ANXA3: variants seen among roughly 807,000 people sequenced by gnomAD.
The protein encoded by ANXA3 is annexin A3.
A neutral mutation model predicts 48.8 loss-of-function variants in ANXA3; 46 were observed. The ratio of observed to expected loss-of-function variants is 0.94; its 90% CI spans 0.74 to 1.21. The LOEUF is 1.21. ANXA3 is among the 50% of genes most tolerant of loss of function. The pLI is 0.00. For synonymous variants in ANXA3, 128 were observed against 134.7 expected, an observed-to-expected ratio of 0.95 and a Z score of 0.35; for missense variants, 383 against 378.6, an observed-to-expected ratio of 1.01 and a Z score of -0.10.
In ANXA3 at chr4:78,579,021, A is replaced by G; in HGVS notation, c.104-6A>G. 6.3e-7 allele frequency: 1 copy of G among 1,598,504 alleles called. No individual in the cohort carries two copies. Among genetic ancestry groups the G allele is most frequent in the African/African-American group, 1.3e-5 (1 of 74,756 alleles). On this transcript the variant is annotated splice_region_variant and splice_polypyrimidine_tract_variant and intron_variant, in intron 3 of 12. Transcript: ENST00000264908. ...TATTGAGTAAAATAACTTTTGTTTC[A>G]TTTAGGAACTGATGAGAAAATGCTC...
At chr4:78,608,128 G>T (rs1455179192) in intron 12 of ANXA3, among the ~76,000 whole-genome samples, 1 of 152,076 alleles carries the variant, frequency 6.6e-6, no homozygotes, top group African/African-American at 2.4e-5. Flanking sequence ...ATAAGCAAAG[G>T]GGGTAGGGTG....
chr4:78,607,208 G>A (rs1445529409), intron 12 of ANXA3, among the ~76,000 whole-genome samples: 1 of 152,212 alleles, frequency 6.6e-6, no homozygotes, highest in Non-Finnish European at 1.5e-5. Flanking sequence ...TCAGTTTGCA[G>A]TTTGAAATAG....
At chr4:78,581,346 A>ATGGACTGTACTTAGGTGTGAAAACAG (rs1723066693) in intron 4 of ANXA3, among the ~76,000 whole-genome samples, 1 of 152,190 alleles carries the variant, frequency 6.6e-6, no homozygotes. Context: ...AGCAGGGGAG[A>ATGGACTGTACTTAGGTGTGAAAACAG]TGGACTGTAC....
chr4:78,610,083 A>G lies in ANXA3; in HGVS notation c.940A>G (p.Thr314Ala), dbSNP rs1247429223. Reference protein sequence around the residue: ...KSDTSGDYEITLLKICGGDD With the variant: ...KSDTSGDYEIALLKICGGDD ...GGATACTTCTGGAGACTATGAAATC[A>G]CACTCTTAAAAATCTGTGGTGGAGA... Residue 314 changes from threonine to alanine, a missense_variant, in exon 13 of 13, where the codon ACA becomes GCA. Transcript: ENST00000264908. 6.2e-7 allele frequency: 1 copy of G among 1,611,456 alleles called. No homozygotes were observed. The highest frequency in any genetic ancestry group is 2.2e-5 in the East Asian group (1 of 44,768).
intron 2 of ANXA3, among the ~76,000 whole-genome samples, chr4:78,569,831 T>C (rs984568498): frequency 1.3e-5 from 2 of 152,218 alleles, no homozygotes; most frequent in African/African-American, 4.8e-5. Flanking sequence ...GTGATGGGTT[T>C]GAGTCCTGGG....
At position 78,601,529 on chromosome 4, in the gene ANXA3, G is replaced by A. The variant is rs759403933; in HGVS notation, c.750G>A (p.Thr250=). Residue 250 remains threonine, a synonymous_variant, in exon 11 of 13, where the codon ACG becomes ACA. Coordinates refer to ENST00000264908, the MANE Select transcript of ANXA3 (RefSeq NM_005139.3). ...TTACAGTTAATTGTGTGAGGAACAC[G>A]CCGGCCTTTTTAGCCGAAAGACTGC... The part of the protein sequence containing the change: ...LLAIVNCVRN[T]PAFLAERLHR... The A allele has an allele frequency of 1.1e-5, 18 of 1,613,786 alleles. No homozygotes were observed. Among genetic ancestry groups the A allele is most frequent in the Middle Eastern group, 1.6e-4 (1 of 6,080 alleles).
In ANXA3 at chr4:78,557,074, G is replaced by T. The variant is rs1429846648; in HGVS notation, c.15+2586G>T. 7.2e-5 allele frequency among the ~76,000 whole-genome samples: 11 copies of T among 152,214 alleles called. No homozygotes were observed. In the South Asian group the frequency reaches 1.7e-3, roughly 23 times the overall value. On this transcript the variant is annotated intron_variant, in intron 2 of 12. Transcript: ENST00000264908. ...CATTCCTTTCTGGAGACTTTGGGAAGAATCCTCTTCCAAGCCCTTTTAGGT... is the reference window on the plus strand; with the variant it reads ...CATTCCTTTCTGGAGACTTTGGGAATAATCCTCTTCCAAGCCCTTTTAGGT...
chr4:78,556,328 A>G (rs1180675994), intron 2 of ANXA3, among the ~76,000 whole-genome samples: 1 of 152,238 alleles, frequency 6.6e-6, no homozygotes, highest in Non-Finnish European at 1.5e-5. Flanking sequence ...CCAAGATGTA[A>G]TAATTTAAAA....
Position 78,556,793 on chromosome 4 carries a change from C to T in ANXA3, c.15+2305C>T, listed in dbSNP as rs1358736689. On this transcript the variant is annotated intron_variant, in intron 2 of 12. Transcript: ENST00000264908. ...AAAAAAAAAGTCGCCCTCTGGCCCT[C>T]GCCCATGAGTAAATTAACATGGAAT... Among the ~76,000 whole-genome samples, 6 of 152,098 alleles carry T rather than the reference C, an allele frequency of 3.9e-5. No homozygotes were observed. The East Asian group carries it at 1.2e-3, about 29-fold the overall frequency.
At chr4:78,556,409 A>G (rs1309206975) in intron 2 of ANXA3, among the ~76,000 whole-genome samples, 1 of 152,240 alleles carries the variant, frequency 6.6e-6, no homozygotes, top group Non-Finnish European at 1.5e-5. Context: ...TAAAAAATTT[A>G]CGGAAAGACT....
intron 5 of ANXA3, chr4:78,582,511 A>AG (rs1345245402): frequency 2.0e-5 from 9 of 452,770 alleles, no homozygotes; most frequent in African/African-American, 1.4e-4. Flanking sequence ...TTTGACATGA[A>AG]GAGTCAAGTT....
chr4:78,591,688 G>A, intron 7 of ANXA3, 65 bp downstream of exon 7: 1 of 1,209,920 alleles, frequency 8.3e-7, no homozygotes, highest in Non-Finnish European at 1.2e-6. Context: ...AATTTTTAGG[G>A]AGTTTAAAAA....
At chr4:78,554,531 G>C (rs1204957140) in intron 2 of ANXA3, 43 bp downstream of exon 2, 11 of 1,592,416 alleles carry the variant, frequency 6.9e-6, no homozygotes, top group Non-Finnish European at 9.5e-6. Flanking sequence ...ACATATATGA[G>C]TCAAACCAAA....
In ANXA3 at chr4:78,595,856, G is replaced by T; in HGVS notation, c.603G>T (p.Leu201=). The T allele has an allele frequency of 6.2e-7, 1 of 1,611,610 alleles. No homozygotes were observed. The highest frequency in any genetic ancestry group is 1.1e-5 in the South Asian group (1 of 91,012). Residue 201 remains leucine, a synonymous_variant, in exon 9 of 13, where the codon CTG becomes CTT. Transcript: ENST00000264908. ...GTDEDKFTEI[L]CLRSFPQLKL... is the part of the protein sequence containing the mutation. ...ATGAAGACAAATTCACTGAGATCCTGTGTTTAAGGAGCTTTCCTCAATTAA... is the reference window on the plus strand; with the variant it reads ...ATGAAGACAAATTCACTGAGATCCTTTGTTTAAGGAGCTTTCCTCAATTAA...
intron 6 of ANXA3, among the ~76,000 whole-genome samples, chr4:78,588,543 C>CAT (rs1217363679): frequency 6.6e-6 from 1 of 152,168 alleles, no homozygotes; most frequent in Admixed American, 6.5e-5. Flanking sequence ...GAATGAGGGA[C>CAT]ATACCTGGCT....
chr4:78,583,291 G>T (rs1723110469), intron 5 of ANXA3, among the ~76,000 whole-genome samples: 1 of 151,558 alleles, frequency 6.6e-6, no homozygotes, highest in African/African-American at 2.4e-5. Flanking sequence ...GCAGTGAGCT[G>T]TGATTGTGCC....
Position 78,582,208 on chromosome 4 carries a change from C to G in ANXA3, c.230C>G (p.Ser77Cys). The change falls in exon 5 of 13, where the codon TCT (serine) becomes TGT (cysteine). Residue 77 changes from serine to cysteine, a missense_variant. Transcript: ENST00000264908. Reference protein sequence around the residue: ...ELKDDLKGDLSGHFEHLMVAL... With the variant: ...ELKDDLKGDLCGHFEHLMVAL... Reference sequence around the variant, plus strand: ...AAAGATGACTTGAAGGGTGATCTCTCTGGCCACTTTGAGCATCTCATGGTG... The same window carrying G: ...AAAGATGACTTGAAGGGTGATCTCTGTGGCCACTTTGAGCATCTCATGGTG... The G allele has an allele frequency of 6.2e-7, 1 of 1,613,460 alleles. No individual in the cohort carries two copies. The highest frequency in any genetic ancestry group is 8.5e-7 in the Non-Finnish European group (1 of 1,179,486).
At chr4:78,552,705 C>T (rs1722424565) in intron 1 of ANXA3, among the ~76,000 whole-genome samples, 1 of 152,228 alleles carries the variant, frequency 6.6e-6, no homozygotes, top group African/African-American at 2.4e-5. Flanking sequence ...GACAGCAAGA[C>T]CCTGCCCTCC....
At chr4:78,604,778 G>T (rs1349649725) in intron 12 of ANXA3, among the ~76,000 whole-genome samples, 1 of 152,148 alleles carries the variant, frequency 6.6e-6, no homozygotes, top group Non-Finnish European at 1.5e-5. Flanking sequence ...GAGACAGCAT[G>T]GTTCTGCAGC....
Sources: gnomAD v4.1 joint callset for allele counts (sites outside exome capture counted in the v4.1 genomes callset) on GRCh38, gnomAD v4.1.1 for gene constraint, MANE v1.5 for transcripts, NCBI Gene and HGNC (gene_info 2026-07-23, HGNC 2026-07-21) for gene names.